EXOC4: variants seen among roughly 807,000 people sequenced by gnomAD.
EXOC4 encodes SEC8-like 1.
A neutral mutation model predicts 107.2 loss-of-function variants in EXOC4; 71 were observed. The ratio of observed to expected loss-of-function variants is 0.66; its 90% confidence interval spans 0.55 to 0.81. The LOEUF is 0.81. EXOC4 is among the 30% of genes least tolerant of loss of function. The pLI is 0.00. For missense variants in EXOC4, 1,108 were observed against 1,189.6 expected, an observed-to-expected ratio of 0.93 and a Z score of 1.01; for synonymous variants, 456 against 441.2, an observed-to-expected ratio of 1.03 and a Z score of -0.42.
chr7:134,083,104 C>G, the EXOC4 span, among the ~76,000 whole-genome samples: 3 of 152,160 alleles, frequency 2.0e-5, no homozygotes, highest in Non-Finnish European at 2.9e-5. Context: ...ATATCCGTGA[C>G]TCAGTAATTT....
At chr7:133,828,064 A>T (rs1205921738) in intron 11 of EXOC4, among the ~76,000 whole-genome samples, 1 of 152,106 alleles carries the variant, frequency 6.6e-6, no homozygotes, top group African/African-American at 2.4e-5. Context: ...TGAGGTTTTG[A>T]TTGGCTACTG....
intron 7 of EXOC4, among the ~76,000 whole-genome samples, chr7:133,384,259 G>A (rs1584872717): frequency 6.6e-6 from 1 of 152,314 alleles, no homozygotes; most frequent in East Asian, 1.9e-4. Flanking sequence ...GGTTGATCTG[G>A]TAGGAAGGCT....
chr7:133,288,884 CT>C, intron 2 of EXOC4, 37 bp from the exon 3 acceptor site: 10 of 1,589,590 alleles, frequency 6.3e-6, no homozygotes, highest in Non-Finnish European at 8.6e-6. Flanking sequence ...ACTGGCAAGA[CT>C]TTGGACTGAC....
At chr7:133,573,230 A>T (rs1801060977) in intron 9 of EXOC4, among the ~76,000 whole-genome samples, 1 of 152,182 alleles carries the variant, frequency 6.6e-6, no homozygotes, top group African/African-American at 2.4e-5. Context: ...CTTTATGTAT[A>T]TTGTTAGAGA....
At chr7:133,384,316 C>T (rs939893682) in intron 7 of EXOC4, among the ~76,000 whole-genome samples, 2 of 152,192 alleles carry the variant, frequency 1.3e-5, no homozygotes, top group African/African-American at 2.4e-5. Flanking sequence ...GCTCGGGCCT[C>T]ATTACGTCTT....
At chr7:133,489,868 G>C (rs1799338745) in intron 9 of EXOC4, among the ~76,000 whole-genome samples, 1 of 152,128 alleles carries the variant, frequency 6.6e-6, no homozygotes, top group Non-Finnish European at 1.5e-5. Context: ...TAGAGTCCCT[G>C]ATATTTCGCT....
intron 10 of EXOC4, among the ~76,000 whole-genome samples, chr7:133,643,552 C>T (rs753236235): frequency 6.6e-6 from 1 of 152,142 alleles, no homozygotes; most frequent in Non-Finnish European, 1.5e-5. Context: ...TGAACCCATA[C>T]ACATCTCCTG....
chr7:133,859,227 C>T (rs558299698), intron 11 of EXOC4, among the ~76,000 whole-genome samples: 33 of 152,306 alleles, frequency 2.2e-4, no homozygotes, highest in African/African-American at 7.7e-4. Context: ...CATCAATCTT[C>T]AGTGCCACCT....
At chr7:133,683,143 T>C (rs1265701976) in intron 10 of EXOC4, among the ~76,000 whole-genome samples, 1 of 152,168 alleles carries the variant, frequency 6.6e-6, no homozygotes, top group African/African-American at 2.4e-5. Context: ...GGACCTGACT[T>C]CTCCTTCCCC....
At chr7:133,715,114 A>T (rs1283715648) in intron 10 of EXOC4, among the ~76,000 whole-genome samples, 3 of 152,208 alleles carry the variant, frequency 2.0e-5, no homozygotes, top group Non-Finnish European at 4.4e-5. Flanking sequence ...ACAGCAGAGA[A>T]TGGAAACTGT....
intron 9 of EXOC4, among the ~76,000 whole-genome samples, chr7:133,571,573 G>A (rs1245384783): frequency 2.6e-5 from 4 of 151,884 alleles, no homozygotes; most frequent in African/African-American, 9.7e-5. Flanking sequence ...GGGAGGCTGA[G>A]GCCAGGCATG....
rs572822104 is a variant in EXOC4 at position 133,375,607 on chromosome 7, G to A, written c.1182+605G>A. The stretch of plus-strand genomic sequence containing the variant: ...TGACTGGAATTAGTCATATATTAAG[G>A]TAAAAAACATTAAAATATTCTTAAG... On this transcript the variant is annotated intron_variant, in intron 7 of 17. Coordinates refer to ENST00000253861, the MANE Select transcript of EXOC4 (RefSeq NM_021807.4). 3.9e-5 allele frequency among the ~76,000 whole-genome samples: 6 copies of A among 152,066 alleles called. No individual in the cohort carries two copies. In the South Asian group the frequency reaches 1.2e-3, roughly 32 times the overall value.
chr7:133,468,016 T>C (rs2150836297), intron 7 of EXOC4, among the ~76,000 whole-genome samples: 1 of 152,262 alleles, frequency 6.6e-6, no homozygotes, highest in African/African-American at 2.4e-5. Context: ...AGCACAATAC[T>C]TTGCATATTT....
At chr7:133,603,305 C>T (rs754494783) in intron 9 of EXOC4, among the ~76,000 whole-genome samples, 99 of 152,266 alleles carry the variant, frequency 6.5e-4, no homozygotes, top group Middle Eastern at 6.8e-3. Flanking sequence ...AGAGCTGCTT[C>T]TTTGTGCTCT....
chr7:133,780,656 T>C (rs572942463), intron 10 of EXOC4, among the ~76,000 whole-genome samples: 15 of 152,270 alleles, frequency 9.9e-5, no homozygotes, highest in East Asian at 5.8e-4. Context: ...GAATCCCACA[T>C]TGGGCAGGAG....
At chr7:133,840,248 G>T (rs925253863) in intron 11 of EXOC4, among the ~76,000 whole-genome samples, 1 of 152,146 alleles carries the variant, frequency 6.6e-6, no homozygotes, top group Non-Finnish European at 1.5e-5. Context: ...TACATAGCTT[G>T]CATGAATCTA....
intron 5 of EXOC4, among the ~76,000 whole-genome samples, chr7:133,355,436 A>G (rs1248279174): frequency 1.8e-4 from 28 of 152,006 alleles, no homozygotes; most frequent in Admixed American, 1.8e-3. Context: ...CAGTTGCGAA[A>G]CCCGGAATTC....
At chr7:133,658,307 C>T (rs1485093606) in intron 10 of EXOC4, among the ~76,000 whole-genome samples, 1 of 152,138 alleles carries the variant, frequency 6.6e-6, no homozygotes, top group Non-Finnish European at 1.5e-5. Context: ...TTTGAAAATG[C>T]AACCAGGTGA....
chr7:133,892,870 TGTG>T (rs1408579633), intron 11 of EXOC4, among the ~76,000 whole-genome samples: 1 of 144,076 alleles, frequency 6.9e-6, no homozygotes, highest in Non-Finnish European at 1.5e-5. Flanking sequence ...TTGGAATAGG[TGTG>T]GTGTGGTAAT....
Sources: allele counts gnomAD v4.1 joint callset (sites outside exome capture counted in the v4.1 genomes callset), GRCh38; gene constraint gnomAD v4.1.1; transcripts MANE v1.5; gene names NCBI Gene and HGNC (gene_info 2026-07-23, HGNC 2026-07-21).